Variants in KIF17 observed in about 807,000 individuals in gnomAD.
The protein encoded by KIF17 is kinesin family member 17, also known as kinesin-like protein KIF17.
A neutral mutation model predicts 96.8 loss-of-function variants in KIF17; 80 were observed. The observed-to-expected ratio is 0.83, with a 90% CI of 0.69 to 1.00. The LOEUF is 1.00. Among genes scored for constraint, KIF17 ranks in the 50% least tolerant of loss-of-function variants. The pLI is 0.00. For synonymous variants in KIF17, 567 were observed against 587.5 expected, an observed-to-expected ratio of 0.97 and a Z score of 0.51; for missense variants, 1,280 against 1,372.9, an observed-to-expected ratio of 0.93 and a Z score of 1.07.
chr1:20,698,355 T>C, intron 6 of KIF17, 24 bp downstream of exon 6: 2 of 1,567,652 alleles, frequency 1.3e-6, no homozygotes, highest in Non-Finnish European at 1.8e-6. Flanking sequence ...CCCTTCTCCA[T>C]GTTCCCACCC....
At chr1:20,679,951 T>C (rs1000464525) in intron 11 of KIF17, among the ~76,000 whole-genome samples, 7 of 150,650 alleles carry the variant, frequency 4.6e-5, no homozygotes, top group African/African-American at 1.7e-4. Context: ...TTATAGTAAT[T>C]TGTTAACACA....
chr1:20,698,489 C>A lies in KIF17; in HGVS notation c.1124-1G>T, dbSNP rs938076656. On this transcript the variant is annotated splice_acceptor_variant, in intron 5 of 14. Coordinates refer to ENST00000400463, the MANE Select transcript of KIF17 (RefSeq NM_001122819.3). LOFTEE classifies it high-confidence loss of function. The stretch of plus-strand genomic sequence containing the variant: ...GGGGGCACCTGCCTGGACAGCAGGG[C>A]TGGGGGAGAAACAGAAATTAGCAGC... 6.2e-7 allele frequency: 1 copy of A among 1,608,816 alleles called. No individual in the cohort carries two copies. Among genetic ancestry groups the A allele is most frequent in the Non-Finnish European group, 8.5e-7 (1 of 1,176,618 alleles).
intron 11 of KIF17, among the ~76,000 whole-genome samples, chr1:20,680,182 CAAAGAGA>C (rs1276034541): frequency 6.6e-6 from 1 of 152,138 alleles, no homozygotes; most frequent in Non-Finnish European, 1.5e-5. Context: ...CTTCACTATA[CAAAGAGA>C]AGAGTGTGCT....
chr1:20,671,598 G>A (rs551248397), intron 12 of KIF17, among the ~76,000 whole-genome samples: 34 of 152,214 alleles, frequency 2.2e-4, no homozygotes, highest in African/African-American at 8.2e-4. Context: ...GCCTCCCAAA[G>A]TGCTGGGATT....
rs779572645 is a variant in KIF17 at position 20,666,208 on chromosome 1, A to G, written c.2908+6T>C. 34 of 1,603,008 alleles carry G rather than the reference A, an allele frequency of 2.1e-5. No homozygotes were observed. Among genetic ancestry groups the G allele is most frequent in the Admixed American group, 1.2e-4 (7 of 60,000 alleles). On this transcript the variant is annotated splice_donor_region_variant and intron_variant, in intron 14 of 14. Transcript: ENST00000400463. The stretch of plus-strand genomic sequence containing the variant: ...GAGAGGGTGGGGACAGGGGAGGGAC[A>G]CTCACTGAGGCTCTTCCTGGCGTCT...
intron 4 of KIF17, among the ~76,000 whole-genome samples, chr1:20,706,589 T>TCAA (rs35151796): frequency 1.0e-3 from 157 of 150,860 alleles, no homozygotes; most frequent in African/African-American, 3.5e-3. Flanking sequence ...AGATTCTGTC[T>TCAA]CAACAACAAC....
At chr1:20,716,422 C>G (rs563247176) in intron 1 of KIF17, among the ~76,000 whole-genome samples, 4 of 152,172 alleles carry the variant, frequency 2.6e-5, no homozygotes, top group African/African-American at 4.8e-5. Flanking sequence ...ATTCTCGTGG[C>G]GGGCTATGGG....
chr1:20,687,659 G>C lies in KIF17; in HGVS notation c.1667C>G (p.Pro556Arg). ...ETSVSEAFPGPEEPSNVEVSM... is the reference protein window; with the variant it reads ...ETSVSEAFPGREEPSNVEVSM... ...GACCTCCACGTTGGAGGGCTCCTCA[G>C]GCCCAGGGAAAGCCTCGGACACAGA... is the stretch of plus-strand genomic sequence containing the variant. Residue 556 changes from proline to arginine, a missense_variant, in exon 8 of 15, where the codon CCT (proline) becomes CGT (arginine). Pro to Arg is a moderately radical substitution (Grantham distance 103). Coordinates refer to ENST00000400463, the MANE Select transcript of KIF17 (RefSeq NM_001122819.3). The surrounding 1 kb of genome is among the most constrained non-coding windows in gnomAD (Gnocchi z 4.4). 10 of 1,614,214 alleles carry C rather than the reference G, an allele frequency of 6.2e-6. No individual in the cohort carries two copies. Among genetic ancestry groups the C allele is most frequent in the Non-Finnish European group, 7.6e-6 (9 of 1,180,038 alleles).
chr1:20,712,908 A>ATC (rs778663823), intron 3 of KIF17, among the ~76,000 whole-genome samples: 3,339 of 74,042 alleles, frequency 0.045, 186 homozygotes, highest in Non-Finnish European at 0.053. Context: ...TATCTATATT[A>ATC]TATATATAAT....
At chr1:20,671,265 A>C (rs1193714390) in intron 12 of KIF17, among the ~76,000 whole-genome samples, 2 of 152,204 alleles carry the variant, frequency 1.3e-5, no homozygotes, top group Non-Finnish European at 2.9e-5. Context: ...ACATGCAGCG[A>C]GCATCACTAT....
chr1:20,697,686 A>G (rs1220836487), intron 6 of KIF17, among the ~76,000 whole-genome samples: 2 of 152,254 alleles, frequency 1.3e-5, no homozygotes, highest in Non-Finnish European at 2.9e-5. Flanking sequence ...CTCAGGATGC[A>G]GCATTTAGGC....
In KIF17 at chr1:20,690,352, G is replaced by GGCGCGCCCC; in HGVS notation, c.1234-18_1234-17insGGGGCGCGC. ...TTCATACTCCTGGGGGGGTGGGAGGGACCAGAGGGCAGGCAGCATTTTATC... is the reference window on the plus strand; with the variant it reads ...TTCATACTCCTGGGGGGGTGGGAGGGGCGCGCCCCACCAGAGGGCAGGCAGCATTTTATC... On this transcript the variant is annotated splice_polypyrimidine_tract_variant and intron_variant, in intron 6 of 14. Transcript: ENST00000400463. 2.2e-6 allele frequency: 1 copy of GGCGCGCCCC among 451,174 alleles called. No homozygotes were observed. The allele number at this position is 451,174 out of a possible 1,614,324, so 27.9% of individuals were successfully genotyped here.
intron 3 of KIF17, 140 bp downstream of exon 3, chr1:20,713,314 T>TAAAAA: frequency 3.8e-6 from 2 of 521,464 alleles, no homozygotes; most frequent in Non-Finnish European, 6.6e-6. Context: ...TTTTTTTAAT[T>TAAAAA]AAAAAAAAAA....
intron 6 of KIF17, among the ~76,000 whole-genome samples, chr1:20,695,799 G>GC (rs1175274252): frequency 3.7e-4 from 57 of 152,246 alleles, no homozygotes; most frequent in African/African-American, 1.3e-3. Context: ...ATTCCCGACA[G>GC]TCTACAACAC....
At chr1:20,682,131 G>A (rs948595881) in intron 11 of KIF17, among the ~76,000 whole-genome samples, 4 of 151,400 alleles carry the variant, frequency 2.6e-5, no homozygotes, top group African/African-American at 4.9e-5. Flanking sequence ...ACACATACCC[G>A]CATGCATGCA....
At chr1:20,710,724 G>A (rs565445866) in intron 3 of KIF17, among the ~76,000 whole-genome samples, 18 of 152,186 alleles carry the variant, frequency 1.2e-4, no homozygotes, top group Non-Finnish European at 2.4e-4. Context: ...TGGGAGAGGC[G>A]TGGGTGGGGG....
At chr1:20,662,737 A>G (rs939097260), downstream of KIF17, among the ~76,000 whole-genome samples, 2 of 152,176 alleles carry the variant, frequency 1.3e-5, no homozygotes, top group African/African-American at 4.8e-5. Context: ...GTCCTTGCTC[A>G]GGGCTTCCAT....
intron 13 of KIF17, among the ~76,000 whole-genome samples, chr1:20,668,748 A>G (rs2053579437): frequency 6.6e-6 from 1 of 152,172 alleles, no homozygotes; most frequent in Non-Finnish European, 1.5e-5. Flanking sequence ...CCTGCAGGCT[A>G]TTTTTGTAAA....
intron 4 of KIF17, among the ~76,000 whole-genome samples, chr1:20,708,303 G>A (rs1570477924): frequency 6.6e-6 from 1 of 152,234 alleles, no homozygotes; most frequent in African/African-American, 2.4e-5. Flanking sequence ...GCTGGGCAAT[G>A]CGTCCAGGAG....
Sources: gnomAD v4.1 joint callset for allele counts (sites outside exome capture counted in the v4.1 genomes callset) on GRCh38, gnomAD v4.1.1 for gene constraint, Gnocchi (gnomAD v3.1) non-coding constraint, MANE v1.5 for transcripts, NCBI Gene and HGNC (gene_info 2026-07-23, HGNC 2026-07-21) for gene names.